The following EFCAB8 variants were observed in gnomAD, a reference collection of about 807,000 sequenced individuals.
EFCAB8 encodes the protein EF-hand calcium binding domain 8, also known as EF-hand calcium-binding domain-containing protein 8.
Under a neutral mutation model 116.3 loss-of-function variants are expected in EFCAB8, and 100 were observed. The observed-to-expected ratio is 0.86, with a 90% CI of 0.73 to 1.02. The LOEUF (loss-of-function observed/expected upper bound fraction) is 1.02. Among genes scored for constraint, EFCAB8 ranks in the 50% least tolerant of loss-of-function variants. The pLI, the probability that EFCAB8 is intolerant of heterozygous loss-of-function variation, is 0.00. For synonymous variants in EFCAB8, 558 were observed against 567.9 expected, an observed-to-expected ratio of 0.98 and a Z score of 0.25; for missense variants, 1,320 against 1,416.9, an observed-to-expected ratio of 0.93 and a Z score of 1.10.
intron 2 of EFCAB8, among the ~76,000 whole-genome samples, chr20:32,864,920 G>A (rs915528939): frequency 1.3e-5 from 2 of 152,220 alleles, no homozygotes; most frequent in Admixed American, 6.5e-5. Flanking sequence ...GTATTCAGGT[G>A]TCATTTAGGT....
chr20:32,911,358 G>A (rs1465934137), intron 15 of EFCAB8, 122 bp from the exon 16 acceptor site: 1 of 811,828 alleles, frequency 1.2e-6, no homozygotes, highest in Non-Finnish European at 1.8e-6. Flanking sequence ...TGCTGTAGCA[G>A]GGGGCCCTGA....
chr20:32,933,589 C>T (rs1987987748), intron 22 of EFCAB8, among the ~76,000 whole-genome samples: 1 of 152,278 alleles, frequency 6.6e-6, no homozygotes, highest in East Asian at 1.9e-4. Flanking sequence ...AACTTGGTAC[C>T]CCTTTGACCA....
At chr20:32,930,370 C>T (rs1987847913) in intron 20 of EFCAB8, 28 bp from the exon 21 acceptor site, 2 of 1,538,636 alleles carry the variant, frequency 1.3e-6, no homozygotes, top group Admixed American at 2.0e-5. Context: ...CACAGCCCTG[C>T]TGAGCCGGGC....
intron 23 of EFCAB8, among the ~76,000 whole-genome samples, chr20:32,947,143 T>A (rs967063707): frequency 4.6e-5 from 7 of 152,210 alleles, no homozygotes; most frequent in African/African-American, 1.7e-4. Flanking sequence ...ATGGCTGGGT[T>A]GTATGGTAAG....
At chr20:32,916,618 A>T (rs1019226046) in intron 17 of EFCAB8, among the ~76,000 whole-genome samples, 1 of 152,148 alleles carries the variant, frequency 6.6e-6, no homozygotes, top group African/African-American at 2.4e-5. Flanking sequence ...TTCTGTCCTA[A>T]TAACCTTCCA....
intron 5 of EFCAB8, among the ~76,000 whole-genome samples, chr20:32,881,037 T>C (rs1985309035): frequency 6.6e-6 from 1 of 152,202 alleles, no homozygotes; most frequent in Non-Finnish European, 1.5e-5. Context: ...TAATAATTCA[T>C]CCCATCCATC....
intron 20 of EFCAB8, among the ~76,000 whole-genome samples, chr20:32,922,683 T>G (rs1200715965): frequency 6.6e-6 from 1 of 152,028 alleles, no homozygotes; most frequent in Admixed American, 6.6e-5. Context: ...GGAGGTGGCA[T>G]CTGCATAGAG....
chr20:32,930,696 C>A, intron 21 of EFCAB8, 80 bp downstream of exon 21: 1 of 1,332,468 alleles, frequency 7.5e-7, no homozygotes, highest in Middle Eastern at 2.0e-4. Flanking sequence ...ATGGCCCTTG[C>A]CTAGTTCCTA....
intron 22 of EFCAB8, among the ~76,000 whole-genome samples, chr20:32,935,342 A>C (rs1380924321): frequency 6.6e-6 from 1 of 151,006 alleles, no homozygotes; most frequent in Non-Finnish European, 1.5e-5. Flanking sequence ...CTGTGATTAC[A>C]GGCACAGGCT....
intron 22 of EFCAB8, among the ~76,000 whole-genome samples, chr20:32,939,184 T>C (rs867518367): frequency 1.1e-5 from 1 of 88,430 alleles, no homozygotes; most frequent in Admixed American, 1.0e-4. Context: ...TCTTTCTTTC[T>C]TTCTTTCTTT....
At chr20:32,898,735 G>A (rs994956522) in intron 11 of EFCAB8, 112 bp downstream of exon 11, 2 of 629,442 alleles carry the variant, frequency 3.2e-6, no homozygotes, top group East Asian at 5.5e-5. Context: ...GGACTCTGGG[G>A]TTTAGTTTTT....
chr20:32,938,516 C>G (rs1988209479), intron 22 of EFCAB8, among the ~76,000 whole-genome samples: 1 of 149,620 alleles, frequency 6.7e-6, no homozygotes, highest in Non-Finnish European at 1.5e-5. Context: ...TCTCTATCTG[C>G]AGATGACATA....
rs765075908 is a variant in EFCAB8 at position 32,930,592 on chromosome 20, G to A, written c.2607G>A (p.Thr869=). ...ATAAAAATGACTGGATCCTCATCACGGGGGATTGTAAAGGATACATCAAGG... is the reference window on the plus strand; with the variant it reads ...ATAAAAATGACTGGATCCTCATCACAGGGGATTGTAAAGGATACATCAAGG... The part of the protein sequence containing the change: ...ATDKNDWILI[T]GDCKGYIKIW... The change falls in exon 21 of 27, where the codon ACG becomes ACA. Residue 869 remains threonine (T), a synonymous_variant. Transcript: ENST00000400522. 19 of 1,552,236 alleles carry A rather than the reference G, an allele frequency of 1.2e-5. No individual in the cohort carries two copies. The highest frequency in any genetic ancestry group is 4.9e-5 in the East Asian group (2 of 40,926).
intron 11 of EFCAB8, 29 bp from the exon 12 acceptor site, chr20:32,906,533 C>T (rs1164401871): frequency 1.4e-6 from 1 of 718,340 alleles, no homozygotes. Context: ...GCTCCCGGCC[C>T]TGCAGCCCTC....
chr20:32,898,384 T>C (rs1267051774), intron 10 of EFCAB8, 109 bp from the exon 11 acceptor site: 1 of 632,712 alleles, frequency 1.6e-6, no homozygotes, highest in Admixed American at 2.4e-5. Flanking sequence ...GGCATTAGAC[T>C]CCGTGATCTC....
intron 10 of EFCAB8, among the ~76,000 whole-genome samples, chr20:32,897,044 C>A (rs1012014666): frequency 5.9e-5 from 9 of 152,170 alleles, no homozygotes; most frequent in Non-Finnish European, 8.8e-5. Context: ...CTGCTGTTCC[C>A]TGAATGGGCT....
In EFCAB8 at chr20:32,937,647, C is replaced by T. The variant is rs567568104; in HGVS notation, c.2791-5989C>T. Among the ~76,000 whole-genome samples, 14 of 152,170 alleles carry T rather than the reference C, an allele frequency of 9.2e-5. No individual in the cohort carries two copies. The South Asian group carries it at 1.2e-3, about 14-fold the overall frequency. On this transcript the variant is annotated intron_variant, in intron 22 of 26. Transcript: ENST00000400522. The stretch of plus-strand genomic sequence containing the variant: ...TTCTTTTTTTTTGTTGAGACAGAGT[C>T]TCACTCTATTGCCCAGGCTGGAGTA...
chr20:32,875,184 G>A (rs971291373), intron 3 of EFCAB8, among the ~76,000 whole-genome samples: 1 of 152,296 alleles, frequency 6.6e-6, no homozygotes, highest in African/African-American at 2.4e-5. Context: ...CTCCCATATG[G>A]CGGGTTTTCA....
intron 7 of EFCAB8, among the ~76,000 whole-genome samples, chr20:32,889,919 T>C (rs940133996): frequency 2.2e-4 from 34 of 151,112 alleles, no homozygotes; most frequent in African/African-American, 8.3e-4. Context: ...GGAGAATCGC[T>C]TGAACCTGGA....
Sources: allele counts gnomAD v4.1 joint callset (sites outside exome capture counted in the v4.1 genomes callset), GRCh38; gene constraint gnomAD v4.1.1; transcripts MANE v1.5; gene names NCBI Gene and HGNC (gene_info 2026-07-23, HGNC 2026-07-21).